Variants in TRIM14 observed in about 807,000 individuals in gnomAD.
The protein encoded by TRIM14 is tripartite motif containing 14, also known as tripartite motif-containing protein 14.
A neutral mutation model predicts 44.5 loss-of-function variants in TRIM14; 28 were observed. The ratio of observed to expected loss-of-function variants is 0.63; its 90% CI spans 0.47 to 0.86. TRIM14 has a LOEUF of 0.86. TRIM14 is among the 40% of genes least tolerant of loss of function. TRIM14 has a pLI of 0.00. For missense variants in TRIM14, 607 were observed against 611.1 expected (o/e 0.99, Z 0.07); for synonymous variants, 299 against 269.2 (o/e 1.11, Z -1.08).
rs1825712252 is a variant in TRIM14, at chr9:98,084,820, C to G, written c.*2650G>C. ...TAGTAGCTGGGATTACAGGCATGCA[C>G]CACCACGCCCAGCTAATTTTTGTAT... is the stretch of plus-strand genomic sequence containing the variant. On this transcript the variant is annotated 3_prime_UTR_variant, in exon 6 of 6. Coordinates refer to ENST00000341469, the MANE Select transcript of TRIM14 (RefSeq NM_014788.4). 6.6e-6 allele frequency: 1 copy of G among 152,150 alleles called. No individual in the cohort carries two copies. The highest frequency in any genetic ancestry group is 1.5e-5 in the Non-Finnish European group (1 of 68,062). 9.4% of individuals were successfully genotyped at this position (152,150 alleles called of 1,614,324 possible). A position where few individuals can be genotyped will look rare whatever the true frequency, so the allele number is the denominator to read the frequency against.
the TRIM14 span, among the ~76,000 whole-genome samples, chr9:98,052,875 C>A: frequency 1.3e-5 from 2 of 152,144 alleles, no homozygotes; most frequent in Non-Finnish European, 2.9e-5. Context: ...CCACAGGTAA[C>A]CTCCCATGTG....
the TRIM14 span, among the ~76,000 whole-genome samples, chr9:98,037,608 A>G: frequency 6.6e-6 from 1 of 152,288 alleles, no homozygotes; most frequent in Non-Finnish European, 1.5e-5. Flanking sequence ...ATGATCCTTT[A>G]GGGAACTCAA....
At chr9:98,053,278 C>T in the TRIM14 span, among the ~76,000 whole-genome samples, 1 of 152,340 alleles carries the variant, frequency 6.6e-6, no homozygotes, top group South Asian at 2.1e-4. Flanking sequence ...CTACCTATGA[C>T]ATGAACCCCA....
chr9:98,098,648 A>C (rs1826273859), intron 3 of TRIM14, among the ~76,000 whole-genome samples: 1 of 150,656 alleles, frequency 6.6e-6, no homozygotes, highest in Non-Finnish European at 1.5e-5. Context: ...AGCTTGCTGT[A>C]AGCCGAGATC....
chr9:98,082,952 A>ACAT (rs878853268), downstream of TRIM14: 5 of 1,614,244 alleles, frequency 3.1e-6, no homozygotes, highest in East Asian at 6.7e-5. Flanking sequence ...CCTCCTGAAG[A>ACAT]CATCTTTAAT....
At chr9:98,065,003 A>G (rs1829094356), downstream of TRIM14, among the ~76,000 whole-genome samples, 1 of 152,188 alleles carries the variant, frequency 6.6e-6, no homozygotes, top group Non-Finnish European at 1.5e-5. Flanking sequence ...CTGCCCTGCA[A>G]CCTGGGGCAG....
At chr9:98,073,594 T>TTC (rs1829451781) in intron 6 of TRIM14, among the ~76,000 whole-genome samples, 1 of 150,430 alleles carries the variant, frequency 6.6e-6, no homozygotes, top group African/African-American at 2.4e-5. Flanking sequence ...GGGCTTCTTT[T>TTC]TTTTTTTTTC....
chr9:98,081,754 C>T (rs574865103), downstream of TRIM14: 6 of 152,336 alleles, frequency 3.9e-5, no homozygotes, highest in African/African-American at 1.4e-4. Context: ...TGTAGGCTGT[C>T]GGGGTCAAGG....
downstream of TRIM14, chr9:98,082,746 C>A: frequency 1.8e-6 from 2 of 1,119,850 alleles, no homozygotes; most frequent in Non-Finnish European, 2.6e-6. Context: ...TCCCAAGGTA[C>A]TGCCTGGGGA....
Position 98,105,585 on chromosome 9 carries a change from CAAACAAACAAACAAAA to C in TRIM14, c.303+4288_303+4303del, listed in dbSNP as rs1378664035. On this transcript the variant is annotated intron_variant, in intron 2 of 5. Coordinates refer to ENST00000341469, the MANE Select transcript of TRIM14 (RefSeq NM_014788.4). ...CAGATCGAGACTCTGTCTCAAAAAACAAACAAACAAACAAAAAAACAAACAAACAAAGTAAATTCAC... is the reference window on the plus strand; with the variant it reads ...CAGATCGAGACTCTGTCTCAAAAAACAAACAAACAAACAAAGTAAATTCAC... 3.9e-5 allele frequency among the ~76,000 whole-genome samples: 6 copies of C among 152,158 alleles called. No homozygotes were observed. In the South Asian group the frequency reaches 8.3e-4, roughly 21 times the overall value.
chr9:98,077,056 C>A, intron 6 of TRIM14: 3 of 1,467,642 alleles, frequency 2.0e-6, no homozygotes, highest in African/African-American at 1.4e-5. Context: ...GAAGGGAGTC[C>A]AAACCTTCAT....
chr9:98,096,723 T>C (rs1826199458), intron 3 of TRIM14, among the ~76,000 whole-genome samples: 1 of 152,050 alleles, frequency 6.6e-6, no homozygotes, highest in Admixed American at 6.6e-5. Flanking sequence ...TTTCTCCCCA[T>C]CCCCACTGCC....
chr9:98,063,191 G>C, the TRIM14 span, among the ~76,000 whole-genome samples: 1 of 151,748 alleles, frequency 6.6e-6, no homozygotes, highest in Non-Finnish European at 1.5e-5. Context: ...GCCTCCCAAA[G>C]GTCTGGGGAT....
chr9:98,057,171 C>T, the TRIM14 span, among the ~76,000 whole-genome samples: 5 of 152,360 alleles, frequency 3.3e-5, no homozygotes, highest in South Asian at 2.1e-4. Context: ...GTTTCCTCCC[C>T]GTTCTGGTGC....
At chr9:98,107,363 A>G (rs974673305) in intron 2 of TRIM14, among the ~76,000 whole-genome samples, 1 of 152,172 alleles carries the variant, frequency 6.6e-6, no homozygotes, top group African/African-American at 2.4e-5. Flanking sequence ...CTTATTTGCA[A>G]TAGCCCTAGA....
chr9:98,087,900 A>ACGGGCC lies in TRIM14; in HGVS notation c.893_898dup (p.Gly298_Pro299dup), dbSNP rs762136351. 8.3e-6 allele frequency: 13 copies of ACGGGCC among 1,570,104 alleles called. No homozygotes were observed. The highest frequency in any genetic ancestry group is 1.4e-5 in the African/African-American group (1 of 71,348). On this transcript the variant is annotated inframe_insertion, in exon 6 of 6. Transcript: ENST00000341469. ...GAGCGCGTCGAACCGCAGCACGGGC[A>ACGGGCC]CGGGCCCCAGGCTGCCCAGCAGGCC...
chr9:98,078,310 C>T (rs1024025721), intron 6 of TRIM14: 7 of 1,613,842 alleles, frequency 4.3e-6, no homozygotes, highest in East Asian at 2.2e-5. Flanking sequence ...AGCGCATACC[C>T]GCTCCAGCCT....
intron 2 of TRIM14, among the ~76,000 whole-genome samples, chr9:98,107,668 G>A (rs554270952): frequency 2.1e-5 from 3 of 139,998 alleles, no homozygotes; most frequent in African/African-American, 8.6e-5. Flanking sequence ...TAAAGGTGTA[G>A]GTAGATTTTT....
In TRIM14 at chr9:98,087,165, G is replaced by T; in HGVS notation, c.*305C>A. On this transcript the variant is annotated 3_prime_UTR_variant, in exon 6 of 6. Transcript: ENST00000341469. ...AGGCTGCGGATGATGTATTCAGGATGCTGAGGGCTTACCTGTGGGGGTATC... is the reference window on the plus strand; with the variant it reads ...AGGCTGCGGATGATGTATTCAGGATTCTGAGGGCTTACCTGTGGGGGTATC... The T allele has an allele frequency of 1.5e-6, 1 of 662,886 alleles. No individual in the cohort carries two copies. The highest frequency in any genetic ancestry group is 1.5e-5 in the South Asian group (1 of 65,564). 41.1% of individuals were successfully genotyped at this position (662,886 alleles called of 1,614,324 possible). A position where few individuals can be genotyped will look rare whatever the true frequency, so the allele number is the denominator to read the frequency against.
Sources: allele counts gnomAD v4.1 joint callset (sites outside exome capture counted in the v4.1 genomes callset), GRCh38; gene constraint gnomAD v4.1.1; transcripts MANE v1.5; gene names NCBI Gene and HGNC (gene_info 2026-07-23, HGNC 2026-07-21).